Variants in LRP1B observed in about 807,000 individuals in gnomAD.
LRP1B encodes LDL receptor related protein 1B, also known as low-density lipoprotein receptor-related protein 1B.
In LRP1B, 217 loss-of-function variants were observed where a neutral mutation model predicts 556.6. That is an observed-to-expected ratio of 0.39 (90% CI 0.35 to 0.44). LRP1B has a LOEUF of 0.44. LRP1B is among the 20% of genes least tolerant of loss of function. LRP1B has a pLI of 1.00. For missense variants in LRP1B, 5,053 were observed against 5,620.8 expected (o/e 0.90, Z 3.23); for synonymous variants, 2,047 against 1,865.8 (o/e 1.10, Z -2.50).
intron 3 of LRP1B, among the ~76,000 whole-genome samples, chr2:141,386,638 T>C (rs1422439333): frequency 1.3e-5 from 2 of 152,018 alleles, no homozygotes; most frequent in African/African-American, 4.8e-5. Flanking sequence ...AAAAATACGA[T>C]ATATTTAAAA....
At chr2:140,723,241 T>C (rs1156564583) in intron 35 of LRP1B, among the ~76,000 whole-genome samples, 1 of 152,122 alleles carries the variant, frequency 6.6e-6, no homozygotes, top group Non-Finnish European at 1.5e-5. Context: ...AGTCCTTTGG[T>C]CTGAGAATCT....
intron 31 of LRP1B, among the ~76,000 whole-genome samples, chr2:140,823,450 A>G (rs1379835291): frequency 1.3e-5 from 2 of 152,170 alleles, no homozygotes; most frequent in Admixed American, 6.5e-5. Flanking sequence ...TTAATGCCCT[A>G]TGTATTTAAG....
intron 2 of LRP1B, among the ~76,000 whole-genome samples, chr2:141,616,938 A>C (rs6429914): frequency 0.31 from 47,264 of 151,986 alleles, 8,352 homozygotes; most frequent in African/African-American, 0.48. Flanking sequence ...ACAAATCATC[A>C]TTCAAAGAGC....
chr2:140,808,005 T>A (rs1336554173), intron 32 of LRP1B, among the ~76,000 whole-genome samples: 1 of 152,126 alleles, frequency 6.6e-6, no homozygotes, highest in African/African-American at 2.4e-5. Context: ...GGCACAAGAA[T>A]CATTTGAACC....
chr2:141,927,903 CAAA>C (rs5834879), intron 1 of LRP1B, among the ~76,000 whole-genome samples: 3 of 111,182 alleles, frequency 2.7e-5, no homozygotes, highest in African/African-American at 6.8e-5. Flanking sequence ...CTTGGCTTTA[CAAA>C]AAAAAAAAAA....
intron 2 of LRP1B, among the ~76,000 whole-genome samples, chr2:141,651,606 A>G (rs1038433703): frequency 1.3e-5 from 2 of 152,210 alleles, no homozygotes; most frequent in African/African-American, 4.8e-5. Context: ...TGGAGGTTGC[A>G]GTGAGCAGAG....
intron 29 of LRP1B, among the ~76,000 whole-genome samples, chr2:140,847,715 C>T (rs1692315784): frequency 6.6e-6 from 1 of 150,464 alleles, no homozygotes. Context: ...TGCAGTAAGC[C>T]AAGATAGCAC....
chr2:140,719,117 T>C (rs1243643440), intron 35 of LRP1B, among the ~76,000 whole-genome samples: 1 of 152,106 alleles, frequency 6.6e-6, no homozygotes. Context: ...TTTATTTCAT[T>C]TGCTGTTTTA....
chr2:141,877,876 C>T (rs1215592456), intron 1 of LRP1B, among the ~76,000 whole-genome samples: 1 of 151,840 alleles, frequency 6.6e-6, no homozygotes, highest in Middle Eastern at 3.2e-3. Context: ...GATCAGTTAC[C>T]ACTAAAATAG....
intron 7 of LRP1B, among the ~76,000 whole-genome samples, chr2:141,164,367 G>A (rs1262110605): frequency 6.6e-6 from 1 of 151,914 alleles, no homozygotes; most frequent in African/African-American, 2.4e-5. Context: ...TCCATCAATG[G>A]TCACACTAAA....
chr2:140,908,100 C>A (rs2105232568), intron 21 of LRP1B, 23 bp from the exon 22 acceptor site: 2 of 1,595,456 alleles, frequency 1.3e-6, no homozygotes, highest in South Asian at 2.2e-5. Flanking sequence ...GAAATAGTGT[C>A]AGTTTGATTT....
chr2:140,799,864 C>T (rs903530360), intron 32 of LRP1B, among the ~76,000 whole-genome samples: 2 of 152,116 alleles, frequency 1.3e-5, no homozygotes, highest in African/African-American at 4.8e-5. Flanking sequence ...GCATTTCCAA[C>T]TGAGGTACCA....
chr2:140,598,156 G>C (rs1415015992), intron 43 of LRP1B, among the ~76,000 whole-genome samples: 1 of 152,196 alleles, frequency 6.6e-6, no homozygotes, highest in Non-Finnish European at 1.5e-5. Flanking sequence ...AGAGAAAAGA[G>C]AGTCCAGTGA....
intron 85 of LRP1B, among the ~76,000 whole-genome samples, chr2:140,272,258 A>AC (rs1682494421): frequency 6.0e-5 from 9 of 149,432 alleles, no homozygotes; most frequent in East Asian, 2.0e-4. Context: ...TGCACACACA[A>AC]ACACACACAC....
At chr2:140,796,193 G>C (rs1690306980) in intron 32 of LRP1B, among the ~76,000 whole-genome samples, 1 of 103,354 alleles carries the variant, frequency 9.7e-6, no homozygotes, top group African/African-American at 2.9e-5. Flanking sequence ...AAATTTAGCA[G>C]TTTACAAAGA....
intron 35 of LRP1B, among the ~76,000 whole-genome samples, chr2:140,726,030 G>C (rs550359981): frequency 1.3e-5 from 2 of 152,278 alleles, no homozygotes; most frequent in African/African-American, 2.4e-5. Flanking sequence ...AAACTACTTA[G>C]TCACGAGTAG....
chr2:141,609,525 T>C (rs1174810874), intron 2 of LRP1B, among the ~76,000 whole-genome samples: 1 of 152,226 alleles, frequency 6.6e-6, no homozygotes, highest in Non-Finnish European at 1.5e-5. Flanking sequence ...AAAGTAATGA[T>C]CTTTGAGTGT....
chr2:142,038,900 C>T (rs946411759), intron 1 of LRP1B, among the ~76,000 whole-genome samples: 4 of 151,558 alleles, frequency 2.6e-5, no homozygotes, highest in East Asian at 1.9e-4. Flanking sequence ...GTTGCTAAAA[C>T]ATTAAATGAA....
chr2:140,851,545 G>C (rs918215675), intron 28 of LRP1B, 107 bp downstream of exon 28: 26 of 1,287,390 alleles, frequency 2.0e-5, no homozygotes, highest in Non-Finnish European at 2.8e-5. Context: ...TTTGAAAACA[G>C]AAAAAAAAAC....
Sources: allele counts gnomAD v4.1 joint callset (sites outside exome capture counted in the v4.1 genomes callset), GRCh38; gene constraint gnomAD v4.1.1; transcripts MANE v1.5; gene names NCBI Gene and HGNC (gene_info 2026-07-23, HGNC 2026-07-21).